The following DIS3L variants were observed in gnomAD, a reference collection of about 807,000 sequenced individuals.
DIS3L encodes DIS3-like exonuclease 1.
In DIS3L, 100 loss-of-function variants were observed where a neutral mutation model predicts 120.3. That is an observed-to-expected ratio of 0.83 (90% CI 0.71 to 0.98). DIS3L has a LOEUF of 0.98. Ranked by LOEUF, DIS3L falls within the 50% of genes least tolerant of loss-of-function variation. DIS3L has a pLI of 0.00. For synonymous variants in DIS3L, 426 were observed against 470.6 expected (o/e 0.91, Z 1.23); for missense variants, 1,196 against 1,314.2 (o/e 0.91, Z 1.39).
chr15:66,305,886 A>G (rs1484881798), intron 2 of DIS3L, among the ~76,000 whole-genome samples: 1 of 152,182 alleles, frequency 6.6e-6, no homozygotes, highest in Non-Finnish European at 1.5e-5. Flanking sequence ...TGTTTTCTGT[A>G]ATTTTATAGT....
intron 9 of DIS3L, among the ~76,000 whole-genome samples, chr15:66,321,619 AT>A (rs1360128708): frequency 6.6e-6 from 1 of 152,106 alleles, no homozygotes; most frequent in Non-Finnish European, 1.5e-5. Context: ...CAAAAAAAGT[AT>A]CTAGGCCTAG....
chr15:66,305,649 C>T (rs1443836855), intron 2 of DIS3L, among the ~76,000 whole-genome samples: 5 of 151,950 alleles, frequency 3.3e-5, no homozygotes, highest in African/African-American at 9.7e-5. Context: ...CTCAGCCTCC[C>T]GAGGAGCTGG....
chr15:66,320,450 A>G (rs373357381), intron 8 of DIS3L, 121 bp from the exon 9 acceptor site: 4 of 1,085,366 alleles, frequency 3.7e-6, no homozygotes, highest in Non-Finnish European at 5.1e-6. Context: ...ATACACCACT[A>G]TTTGCACCTG....
At chr15:66,306,555 C>T (rs2092704365) in intron 2 of DIS3L, among the ~76,000 whole-genome samples, 1 of 152,134 alleles carries the variant, frequency 6.6e-6, no homozygotes, top group Admixed American at 6.5e-5. Flanking sequence ...CTGGAAGTCT[C>T]TGAAGGGGAA....
upstream of DIS3L, chr15:66,293,387 C>T: frequency 1.0e-6 from 1 of 999,930 alleles, no homozygotes; most frequent in African/African-American, 1.7e-5. Context: ...TTCCACCCCT[C>T]CGCCCTGGTC....
At chr15:66,332,656 A>C in intron 15 of DIS3L, 80 bp from the exon 16 acceptor site, 1 of 1,330,062 alleles carries the variant, frequency 7.5e-7, no homozygotes, top group Non-Finnish European at 1.0e-6. Context: ...TAGGAGAAAA[A>C]CTAGTATTCT....
chr15:66,302,088 T>G (rs1185361246), intron 2 of DIS3L, among the ~76,000 whole-genome samples: 1 of 152,150 alleles, frequency 6.6e-6, no homozygotes, highest in Non-Finnish European at 1.5e-5. Flanking sequence ...CAAGAATCCC[T>G]GGGTCTGCAC....
chr15:66,305,076 C>T (rs2092690685), intron 2 of DIS3L, among the ~76,000 whole-genome samples: 1 of 142,478 alleles, frequency 7.0e-6, no homozygotes. Context: ...TCTCGGCTCA[C>T]TGCAAGCTCC....
chr15:66,320,496 T>G, intron 8 of DIS3L, 75 bp from the exon 9 acceptor site: 1 of 1,490,596 alleles, frequency 6.7e-7, no homozygotes, highest in Admixed American at 2.3e-5. Context: ...GTTTGCCTCT[T>G]GTTTGTTTGA....
chr15:66,301,844 A>G lies in DIS3L; in HGVS notation c.294-4980A>G, dbSNP rs1037723487. ...TTTGTTTCCTGCTTTCTGCATTAAT[A>G]TTCTTTTGCCGTTTGTTCATTTGTT... is the stretch of plus-strand genomic sequence containing the variant. On this transcript the variant is annotated intron_variant, in intron 2 of 16. Coordinates refer to ENST00000319212, the MANE Select transcript of DIS3L (RefSeq NM_001143688.3). Among the ~76,000 whole-genome samples, 10 of 152,074 alleles carry G rather than the reference A, an allele frequency of 6.6e-5. No individual in the cohort carries two copies. In the East Asian group the frequency reaches 1.5e-3, roughly 23 times the overall value.
chr15:66,318,860 T>C (rs2092849921), intron 8 of DIS3L, among the ~76,000 whole-genome samples: 1 of 152,126 alleles, frequency 6.6e-6, no homozygotes, highest in Non-Finnish European at 1.5e-5. Context: ...TGGCGTGATC[T>C]CAGCTCATTG....
chr15:66,332,776 G>T lies in DIS3L; in HGVS notation c.2722G>T (p.Gly908Cys). The change falls in exon 16 of 17, where the codon GGT (glycine) becomes TGT (cysteine). Residue 908 changes from glycine (G) to cysteine (C), a missense_variant. Gly to Cys is a radical substitution (Grantham distance 159). Transcript: ENST00000319212. ...TGCTGCTTATCTAAAAAATAAAGAT[G>T]GTTTAGTCATCTCATGTGGCCCAGA... is the stretch of plus-strand genomic sequence containing the variant. ...KGAAYLKNKD[G>C]LVISCGPDSC... 6.2e-7 allele frequency: 1 copy of T among 1,613,226 alleles called. No homozygotes were observed. Among genetic ancestry groups the T allele is most frequent in the South Asian group, 1.1e-5 (1 of 90,926 alleles).
chr15:66,308,688 A>G (rs2140346865), intron 3 of DIS3L, 21 bp from the exon 4 acceptor site: 1 of 1,603,828 alleles, frequency 6.2e-7, no homozygotes, highest in African/African-American at 1.3e-5. Flanking sequence ...GGGAGAGCTC[A>G]TGTGCCCTTT....
rs2140356782 is a variant in DIS3L at position 66,311,828 on chromosome 15, T to C, written c.663T>C (p.His221=). The C allele has an allele frequency of 3.7e-6, 6 of 1,614,038 alleles. No homozygotes were observed. Among genetic ancestry groups the C allele is most frequent in the South Asian group, 1.1e-5 (1 of 91,080 alleles). Residue 221 remains histidine (H), a synonymous_variant, in exon 5 of 17, where the codon CAT becomes CAC. Transcript: ENST00000319212. ...GAGAGAATGAGAGTCAGGAGAGCCATGGGAAGGAGTACCCAGAACATCTTC... is the reference window on the plus strand; with the variant it reads ...GAGAGAATGAGAGTCAGGAGAGCCACGGGAAGGAGTACCCAGAACATCTTC... ...RERENESQES[H]GKEYPEHLPL... is the part of the protein sequence containing the mutation.
At chr15:66,299,032 T>A (rs2092619342) in intron 2 of DIS3L, among the ~76,000 whole-genome samples, 1 of 152,162 alleles carries the variant, frequency 6.6e-6, no homozygotes, top group South Asian at 2.1e-4. Flanking sequence ...GAAGGGCTTT[T>A]CTGAGGGGGA....
chr15:66,295,274 C>G, intron 2 of DIS3L, 133 bp downstream of exon 2: 2 of 820,996 alleles, frequency 2.4e-6, no homozygotes, highest in South Asian at 3.8e-5. Flanking sequence ...TTCGTATTCT[C>G]TTTGATAGTG....
chr15:66,328,743 T>C (rs1454278000), intron 12 of DIS3L, among the ~76,000 whole-genome samples: 1 of 152,234 alleles, frequency 6.6e-6, no homozygotes, highest in Admixed American at 6.5e-5. Flanking sequence ...CAGTACATGA[T>C]TCATTTCTAC....
At chr15:66,294,013 G>A in intron 1 of DIS3L, 7 of 989,272 alleles carry the variant, frequency 7.1e-6, no homozygotes, top group Non-Finnish European at 7.2e-6. Flanking sequence ...AGGCCGGGTG[G>A]TTTGGCTCCT....
At chr15:66,307,083 C>T (rs1292510412) in intron 3 of DIS3L, 131 bp downstream of exon 3, 17 of 1,150,524 alleles carry the variant, frequency 1.5e-5, no homozygotes, top group Admixed American at 7.8e-5. Context: ...TGATTAACAC[C>T]GAAATGCTTA....
Sources: allele counts gnomAD v4.1 joint callset (sites outside exome capture counted in the v4.1 genomes callset), GRCh38; gene constraint gnomAD v4.1.1; transcripts MANE v1.5; gene names NCBI Gene and HGNC (gene_info 2026-07-23, HGNC 2026-07-21).